Variants in CTNND2 observed in about 807,000 individuals in gnomAD.
CTNND2 encodes the protein catenin delta-2.
In CTNND2, 22 loss-of-function variants were observed where a neutral mutation model predicts 144.4. That is an observed-to-expected ratio of 0.15 (90% CI 0.11 to 0.22). The LOEUF is 0.22. CTNND2 is among the 10% of genes least tolerant of loss of function. The pLI is 1.00. For synonymous variants in CTNND2, 751 were observed against 695.6 expected, an observed-to-expected ratio of 1.08 and a Z score of -1.25; for missense variants, 1,353 against 1,618.8, an observed-to-expected ratio of 0.84 and a Z score of 2.82.
chr5:10,998,156 A>G (rs1739549365), intron 18 of CTNND2, among the ~76,000 whole-genome samples: 1 of 152,236 alleles, frequency 6.6e-6, no homozygotes. Context: ...AATATGGAAA[A>G]TGCAAATGCC....
At chr5:11,004,027 A>G (rs1740223748) in intron 18 of CTNND2, among the ~76,000 whole-genome samples, 1 of 152,246 alleles carries the variant, frequency 6.6e-6, no homozygotes, top group Non-Finnish European at 1.5e-5. Flanking sequence ...CAGTGTAACC[A>G]AGAAGATTTG....
chr5:11,600,059 A>C (rs1054983638), intron 2 of CTNND2, among the ~76,000 whole-genome samples: 2 of 152,174 alleles, frequency 1.3e-5, no homozygotes, highest in Non-Finnish European at 2.9e-5. Flanking sequence ...ATCTGAATTT[A>C]AATTGTCTAT....
At chr5:11,863,032 G>A (rs1397361079) in intron 1 of CTNND2, among the ~76,000 whole-genome samples, 3 of 152,174 alleles carry the variant, frequency 2.0e-5, no homozygotes, top group Non-Finnish European at 4.4e-5. Flanking sequence ...CTGCTTGGCT[G>A]TCCCTAGTTT....
intron 11 of CTNND2, among the ~76,000 whole-genome samples, chr5:11,160,762 G>A (rs1758695033): frequency 1.3e-5 from 2 of 152,224 alleles, no homozygotes; most frequent in South Asian, 2.1e-4. Flanking sequence ...ATGAGCTTTC[G>A]ATATATTTTA....
intron 16 of CTNND2, among the ~76,000 whole-genome samples, chr5:11,081,574 G>A (rs1013363688): frequency 2.0e-5 from 3 of 152,172 alleles, no homozygotes; most frequent in East Asian, 1.9e-4. Flanking sequence ...AAAAAATTAC[G>A]GATTCGGCAG....
At chr5:11,880,892 CT>C (rs1736044606) in intron 1 of CTNND2, among the ~76,000 whole-genome samples, 1 of 147,344 alleles carries the variant, frequency 6.8e-6, no homozygotes, top group Non-Finnish European at 1.5e-5. Context: ...ACTACTACTA[CT>C]ACCATTACTA....
intron 3 of CTNND2, among the ~76,000 whole-genome samples, chr5:11,561,524 A>G (rs918613702): frequency 6.6e-6 from 1 of 152,206 alleles, no homozygotes; most frequent in African/African-American, 2.4e-5. Flanking sequence ...AAAGTCTGTG[A>G]AGAGATTAAG....
chr5:11,834,460 A>G (rs1794067606), intron 1 of CTNND2, among the ~76,000 whole-genome samples: 1 of 152,216 alleles, frequency 6.6e-6, no homozygotes, highest in African/African-American at 2.4e-5. Context: ...TAAGTATGTG[A>G]GGGTGATGAA....
At chr5:11,309,705 A>G (rs776268949) in intron 9 of CTNND2, among the ~76,000 whole-genome samples, 1 of 152,178 alleles carries the variant, frequency 6.6e-6, no homozygotes, top group Non-Finnish European at 1.5e-5. Context: ...TGAGAAGGAC[A>G]TGAGATTTGG....
chr5:11,162,201 T>C (rs1758839498), intron 11 of CTNND2, among the ~76,000 whole-genome samples: 1 of 152,036 alleles, frequency 6.6e-6, no homozygotes, highest in African/African-American at 2.4e-5. Context: ...AGAGAAACCT[T>C]TGCATTTTTT....
chr5:11,711,183 G>A (rs1667306504), intron 2 of CTNND2, among the ~76,000 whole-genome samples: 1 of 152,080 alleles, frequency 6.6e-6, no homozygotes, highest in African/African-American at 2.4e-5. Flanking sequence ...AGTCTCTGGA[G>A]TAGCTGGGAT....
chr5:11,530,013 A>G (rs1773597184), intron 3 of CTNND2, among the ~76,000 whole-genome samples: 1 of 150,840 alleles, frequency 6.6e-6, no homozygotes, highest in Admixed American at 6.6e-5. Flanking sequence ...TTCAGGCAAT[A>G]TTGTACCTTG....
chr5:11,790,415 C>T lies in CTNND2; in HGVS notation c.38-58143G>A, dbSNP rs568956426. On this transcript the variant is annotated intron_variant, in intron 1 of 21. Coordinates refer to ENST00000304623, the MANE Select transcript of CTNND2 (RefSeq NM_001332.4). ...CATAGAGGTGTAGATTGAGCATGGG[C>T]TTTTGAGTCAGAGCTGACAGGTCCC... is the stretch of plus-strand genomic sequence containing the variant. Among the ~76,000 whole-genome samples, 3 of 147,310 alleles carry T rather than the reference C, an allele frequency of 2.0e-5. No individual in the cohort carries two copies. The East Asian group carries it at 6.1e-4, about 30-fold the overall frequency.
chr5:10,973,836 G>C lies in CTNND2; in HGVS notation c.3418-123C>G. ...TGTATATCCAGGCATTCACCACTGT[G>C]GCCCTGCTTCTCCAAAACTGCCAAC... On this transcript the variant is annotated intron_variant, in intron 21 of 21. Coordinates refer to ENST00000304623, the MANE Select transcript of CTNND2 (RefSeq NM_001332.4). This position sits in a 1 kb window ranked among gnomAD's most constrained non-coding sequence, Gnocchi z 5.6. The C allele has an allele frequency of 8.9e-7, 1 of 1,121,928 alleles. No homozygotes were observed. 69.5% of individuals were successfully genotyped at this position (1,121,928 alleles called of 1,614,324 possible). A position where few individuals can be genotyped will look rare whatever the true frequency, so the allele number is the denominator to read the frequency against.
chr5:11,128,281 G>A (rs1307078899), intron 12 of CTNND2, among the ~76,000 whole-genome samples: 1 of 152,054 alleles, frequency 6.6e-6, no homozygotes, highest in Non-Finnish European at 1.5e-5. Context: ...GCTGAGGGCA[G>A]CTCTCAACTG....
intron 8 of CTNND2, among the ~76,000 whole-genome samples, chr5:11,353,343 C>G (rs1561265347): frequency 1.3e-5 from 2 of 152,156 alleles, no homozygotes; most frequent in South Asian, 4.1e-4. Flanking sequence ...TGTTTTACCC[C>G]CTCTCCTCCA....
intron 16 of CTNND2, among the ~76,000 whole-genome samples, chr5:11,026,377 T>TTC (rs1742837235): frequency 6.7e-6 from 1 of 149,230 alleles, no homozygotes; most frequent in Non-Finnish European, 1.5e-5. Context: ...TTTTTTTTTT[T>TTC]AAGACAGTCT....
At chr5:11,064,466 A>T (rs1747334391) in intron 16 of CTNND2, among the ~76,000 whole-genome samples, 1 of 152,156 alleles carries the variant, frequency 6.6e-6, no homozygotes, top group Non-Finnish European at 1.5e-5. Flanking sequence ...AACAGGGCTC[A>T]GAGTGGAAGG....
At chr5:11,333,494 G>A (rs539020943) in intron 9 of CTNND2, among the ~76,000 whole-genome samples, 42 of 152,078 alleles carry the variant, frequency 2.8e-4, no homozygotes, top group Non-Finnish European at 3.2e-4. Flanking sequence ...TTTTTATTTC[G>A]ATAAGCAAAG....
Sources: allele counts gnomAD v4.1 joint callset (sites outside exome capture counted in the v4.1 genomes callset), GRCh38; gene constraint gnomAD v4.1.1; non-coding constraint Gnocchi (gnomAD v3.1); transcripts MANE v1.5; gene names NCBI Gene and HGNC (gene_info 2026-07-23, HGNC 2026-07-21).